KAZN: variants seen among roughly 807,000 people sequenced by gnomAD.
The protein encoded by KAZN is kazrin.
Under a neutral mutation model 87.4 loss-of-function variants are expected in KAZN, and 40 were observed. The observed-to-expected ratio is 0.46, with a 90% CI of 0.36 to 0.60. The LOEUF (loss-of-function observed/expected upper bound fraction) is 0.60, where lower values mean the gene tolerates loss of function less well. Ranked by LOEUF, KAZN falls within the 20% of genes least tolerant of loss-of-function variation. The probability of loss-of-function intolerance (pLI) is 0.00; values close to 1 mark genes in which losing one functional copy is unlikely to be tolerated. For synonymous variants in KAZN, 466 were observed against 458.3 expected, an observed-to-expected ratio of 1.02 and a Z score of -0.22; for missense variants, 898 against 1,073.9, an observed-to-expected ratio of 0.84 and a Z score of 2.29.
At chr1:14,989,727 C>G (rs552706105) in intron 2 of KAZN, among the ~76,000 whole-genome samples, 16 of 152,252 alleles carry the variant, frequency 1.1e-4, no homozygotes, top group African/African-American at 3.6e-4. Context: ...GTGTGAAGTG[C>G]TCGGGATGGT....
At chr1:14,567,111 CT>C (rs1674588977) in intron 2 of KAZN, among the ~76,000 whole-genome samples, 1 of 152,168 alleles carries the variant, frequency 6.6e-6, no homozygotes, top group African/African-American at 2.4e-5. Context: ...TTAATCATTT[CT>C]AGTTTTTTAT....
chr1:14,890,177 T>C (rs1231314924), intron 1 of KAZN, among the ~76,000 whole-genome samples: 1 of 152,198 alleles, frequency 6.6e-6, no homozygotes, highest in African/African-American at 2.4e-5. Context: ...GAGTTTGGGT[T>C]TTGGGTAAGC....
intron 1 of KAZN, among the ~76,000 whole-genome samples, chr1:14,767,591 C>T (rs1644918192): frequency 6.6e-6 from 1 of 152,190 alleles, no homozygotes; most frequent in African/African-American, 2.4e-5. Flanking sequence ...GGTCAAAGAG[C>T]TGGACTTGGA....
At chr1:14,236,092 TAAA>T (rs1648396548) in intron 2 of KAZN, among the ~76,000 whole-genome samples, 1 of 142,298 alleles carries the variant, frequency 7.0e-6, no homozygotes, top group Non-Finnish European at 1.6e-5. Context: ...ACAAGAAAGA[TAAA>T]AATCCTACTT....
chr1:14,815,322 G>A (rs1033399806), intron 1 of KAZN, among the ~76,000 whole-genome samples: 3 of 152,116 alleles, frequency 2.0e-5, no homozygotes, highest in South Asian at 4.1e-4. Flanking sequence ...GCATTCATCC[G>A]GTGTCGTTGG....
rs184461151 is a variant in KAZN at position 14,448,447 on chromosome 1, C to T, written c.250-150536C>T. ...CAACAGATAACTGGAAGGTGTCCTCCATCACCAAGATGAATCTGCAGAGTA... is the reference window on the plus strand; with the variant it reads ...CAACAGATAACTGGAAGGTGTCCTCTATCACCAAGATGAATCTGCAGAGTA... On this transcript the variant is annotated intron_variant, in intron 2 of 16. Transcript: ENST00000636203. Among the ~76,000 whole-genome samples, 338 of 152,352 alleles carry T rather than the reference C, an allele frequency of 2.2e-3. 1 individual carries two copies. Among genetic ancestry groups the T allele is most frequent in the African/African-American group, 7.8e-3 (323 of 41,584 alleles).
chr1:14,801,444 C>T (rs1572517377), intron 1 of KAZN, among the ~76,000 whole-genome samples: 1 of 152,032 alleles, frequency 6.6e-6, no homozygotes, highest in Non-Finnish European at 1.5e-5. Flanking sequence ...GTGGCTGGGT[C>T]CCTTCTCCGC....
At chr1:13,930,466 C>T (rs1640465991) in intron 1 of KAZN, among the ~76,000 whole-genome samples, 1 of 152,122 alleles carries the variant, frequency 6.6e-6, no homozygotes, top group African/African-American at 2.4e-5. Context: ...ACAATGGGAT[C>T]CCTGATACAA....
rs75259376 is a variant in KAZN at position 14,017,869 on chromosome 1, T to C, written c.91+124113T>C. Among the ~76,000 whole-genome samples the C allele has an allele frequency of 3.2e-3, 491 of 152,246 alleles. 23 individuals are homozygous for C. In the East Asian group the frequency reaches 0.082, roughly 26 times the overall value. ...CTTGGCCCAGCCCCCTCACCAAGAC[T>C]CCCTGAGAGCCACGTGTTGTTGCTA... On this transcript the variant is annotated intron_variant, in intron 1 of 16. Coordinates refer to the KAZN transcript ENST00000636203.
chr1:14,753,467 C>G (rs913665039), intron 1 of KAZN, among the ~76,000 whole-genome samples: 1 of 152,004 alleles, frequency 6.6e-6, no homozygotes, highest in East Asian at 1.9e-4. Context: ...GGGCTCACAC[C>G]TATAATCCCA....
intron 2 of KAZN, among the ~76,000 whole-genome samples, chr1:14,293,832 A>C (rs1206975603): frequency 1.3e-5 from 2 of 152,086 alleles, no homozygotes; most frequent in Non-Finnish European, 2.9e-5. Flanking sequence ...ATACAGCCTC[A>C]GTTTCCCCAA....
intron 2 of KAZN, among the ~76,000 whole-genome samples, chr1:14,320,502 C>T (rs1655975019): frequency 6.6e-6 from 1 of 152,088 alleles, no homozygotes; most frequent in Admixed American, 6.6e-5. Flanking sequence ...CTCTACCCTA[C>T]ACACCTGCAA....
chr1:14,411,446 CA>C (rs1212394341), intron 2 of KAZN, among the ~76,000 whole-genome samples: 1 of 152,144 alleles, frequency 6.6e-6, no homozygotes, highest in African/African-American at 2.4e-5. Context: ...AGGCATGCAC[CA>C]TCACACCCAG....
intron 8 of KAZN, among the ~76,000 whole-genome samples, chr1:15,068,866 C>T (rs1639384327): frequency 6.6e-6 from 1 of 152,112 alleles, no homozygotes; most frequent in Admixed American, 6.5e-5. Context: ...CCCACCTCTG[C>T]AGCATAAAGC....
At chr1:14,331,627 G>A (rs1277944248) in intron 2 of KAZN, among the ~76,000 whole-genome samples, 1 of 152,078 alleles carries the variant, frequency 6.6e-6, no homozygotes, top group Middle Eastern at 3.4e-3. Flanking sequence ...TCTATAAAGG[G>A]GCCTCTTTTA....
intron 1 of KAZN, among the ~76,000 whole-genome samples, chr1:14,707,262 A>C: frequency 6.6e-6 from 1 of 152,176 alleles, no homozygotes; most frequent in East Asian, 1.9e-4. Context: ...GCTTCTCTGA[A>C]CCAGGTGAGG....
chr1:15,035,711 A>T (rs778373972), intron 3 of KAZN, among the ~76,000 whole-genome samples: 5 of 152,140 alleles, frequency 3.3e-5, no homozygotes, highest in Admixed American at 6.5e-5. Flanking sequence ...ATTGTGGTGC[A>T]CACCTACAGT....
At chr1:15,038,784 G>A (rs915482967) in intron 3 of KAZN, among the ~76,000 whole-genome samples, 3 of 146,676 alleles carry the variant, frequency 2.0e-5, no homozygotes, top group African/African-American at 8.2e-5. Context: ...AGACATGAAT[G>A]TGCTATTACC....
At chr1:14,649,770 AACCT>A (rs1184825790) in intron 1 of KAZN, among the ~76,000 whole-genome samples, 41 of 152,308 alleles carry the variant, frequency 2.7e-4, no homozygotes, top group African/African-American at 9.4e-4. Context: ...AAAAACCAGA[AACCT>A]CACTCCAACA....
Sources: allele counts gnomAD v4.1 joint callset (sites outside exome capture counted in the v4.1 genomes callset), GRCh38; gene constraint gnomAD v4.1.1; transcripts MANE v1.5; gene names NCBI Gene and HGNC (gene_info 2026-07-23, HGNC 2026-07-21).